IBTK: variants seen among roughly 807,000 people sequenced by gnomAD.
IBTK encodes BTK-binding protein.
IBTK carries 83 observed loss-of-function variants against 154.9 expected under a neutral mutation model. That is an observed-to-expected ratio of 0.54 (90% CI 0.45 to 0.64). IBTK has a LOEUF of 0.64. Among genes scored for constraint, IBTK ranks in the 30% least tolerant of loss-of-function variants. The pLI, the probability that IBTK is intolerant of heterozygous loss-of-function variation, is 0.00. For missense variants in IBTK, 1,332 were observed against 1,584.6 expected, an observed-to-expected ratio of 0.84 and a Z score of 2.71; for synonymous variants, 515 against 536.1, an observed-to-expected ratio of 0.96 and a Z score of 0.54.
intron 3 of IBTK, among the ~76,000 whole-genome samples, chr6:82,233,094 T>C (rs1411472976): frequency 6.8e-6 from 1 of 148,004 alleles, no homozygotes; most frequent in East Asian, 2.0e-4. Context: ...GAGGCGGAGG[T>C]TGCGGTGAGC....
chr6:82,180,621 A>G (rs757815348), intron 26 of IBTK, among the ~76,000 whole-genome samples: 3 of 152,184 alleles, frequency 2.0e-5, no homozygotes, highest in Non-Finnish European at 4.4e-5. Flanking sequence ...ATGACTTCAG[A>G]TATTTTTTGC....
In IBTK at chr6:82,239,079, A is replaced by T. The variant is rs199857888; in HGVS notation, c.321+1087T>A. ...GCTTATAAACACCGTATGTTAACTA[A>T]ACAAGAAATGAAACATACTACTCAA... On this transcript the variant is annotated intron_variant, in intron 2 of 28. Transcript: ENST00000306270. Among the ~76,000 whole-genome samples, 33 of 152,182 alleles carry T rather than the reference A, an allele frequency of 2.2e-4. 1 individual carries two copies. The East Asian group carries it at 6.4e-3, about 30-fold the overall frequency.
chr6:82,194,536 A>G lies in IBTK; in HGVS notation c.3281T>C (p.Ile1094Thr). 2 of 1,608,780 alleles carry G rather than the reference A, an allele frequency of 1.2e-6. No homozygotes were observed. The highest frequency in any genetic ancestry group is 1.7e-6 in the Non-Finnish European group (2 of 1,177,178). ...PILKISAPQP[I>T]PSNRIDTTSS... ...GGTAGTATCAATTCTGTTACTGGGA[A>G]TAGGCTGTGGAGCAGATATTTTAAG... is the stretch of plus-strand genomic sequence containing the variant. The change falls in exon 23 of 29, where the codon ATT (isoleucine) becomes ACT (threonine). Residue 1094 changes from isoleucine to threonine, a missense_variant. By Grantham distance (89) the Ile-to-Thr change is moderately conservative (BLOSUM62 -1). Transcript: ENST00000306270.
At chr6:82,237,124 A>G (rs1355582578) in intron 2 of IBTK, among the ~76,000 whole-genome samples, 1 of 152,160 alleles carries the variant, frequency 6.6e-6, no homozygotes, top group Non-Finnish European at 1.5e-5. Flanking sequence ...GACCATAACT[A>G]TTTCAAACTG....
chr6:82,199,560 G>C (rs931853326), intron 21 of IBTK, among the ~76,000 whole-genome samples: 34 of 152,070 alleles, frequency 2.2e-4, no homozygotes, highest in Admixed American at 1.5e-3. Flanking sequence ...CTTACTTGGA[G>C]TACTGACATA....
At chr6:82,202,249 T>C (rs545953210) in intron 18 of IBTK, among the ~76,000 whole-genome samples, 44 of 152,330 alleles carry the variant, frequency 2.9e-4, no homozygotes, top group African/African-American at 1.0e-3. Context: ...GTTCTCATAT[T>C]GTCACCAATG....
At chr6:82,220,555 A>G (rs1427406125) in intron 9 of IBTK, 35 bp downstream of exon 9, 11 of 1,568,666 alleles carry the variant, frequency 7.0e-6, no homozygotes, top group South Asian at 1.2e-5. Context: ...ATCAACTGAG[A>G]GTAAGATTAC....
At chr6:82,210,116 A>G (rs1414649711) in intron 16 of IBTK, among the ~76,000 whole-genome samples, 1 of 152,212 alleles carries the variant, frequency 6.6e-6, no homozygotes, top group Non-Finnish European at 1.5e-5. Flanking sequence ...TTTGCCTAAC[A>G]AAGTACATAA....
chr6:82,205,043 G>A, intron 16 of IBTK, 85 bp from the exon 17 acceptor site: 2 of 617,128 alleles, frequency 3.2e-6, no homozygotes, highest in South Asian at 3.9e-5. Flanking sequence ...TAGTACACTA[G>A]AAAAGAGATT....
chr6:82,237,650 A>C (rs1448935203), intron 2 of IBTK, among the ~76,000 whole-genome samples: 2 of 111,568 alleles, frequency 1.8e-5, no homozygotes, highest in African/African-American at 6.7e-5. Context: ...GTAGTAGTAG[A>C]AGATAGTAGT....
Position 82,240,576 on chromosome 6 carries a change from G to T in IBTK, c.-90C>A. On this transcript the variant is annotated 5_prime_UTR_variant, in exon 2 of 29. Coordinates refer to ENST00000306270, the MANE Select transcript of IBTK (RefSeq NM_015525.4). Reference sequence around the variant, plus strand: ...AGGACACAAAGGTGCTATTGAGGAAGTTACAGAGAATAAATTACCTTTTTA... The same window carrying T: ...AGGACACAAAGGTGCTATTGAGGAATTTACAGAGAATAAATTACCTTTTTA... 2.0e-6 allele frequency: 2 copies of T among 1,020,342 alleles called. No individual in the cohort carries two copies. The highest frequency in any genetic ancestry group is 2.9e-6 in the Non-Finnish European group (2 of 693,716). The allele number at this position is 1,020,342 out of a possible 1,614,324, so 63.2% of individuals were successfully genotyped here. A position where few individuals can be genotyped will look rare whatever the true frequency, so the allele number is the denominator to read the frequency against.
intron 26 of IBTK, among the ~76,000 whole-genome samples, chr6:82,175,451 T>C (rs1308205514): frequency 6.6e-6 from 1 of 152,194 alleles, no homozygotes; most frequent in African/African-American, 2.4e-5. Context: ...CCATAACTTT[T>C]TCCACTCATG....
At chr6:82,234,297 T>A in intron 2 of IBTK, 42 bp from the exon 3 acceptor site, 6 of 730,466 alleles carry the variant, frequency 8.2e-6, no homozygotes, top group Non-Finnish European at 9.9e-6. Flanking sequence ...ATATATATAT[T>A]ATTAATTACC....
intron 1 of IBTK, among the ~76,000 whole-genome samples, chr6:82,244,872 G>C (rs1338500652): frequency 1.3e-5 from 2 of 151,840 alleles, no homozygotes; most frequent in Non-Finnish European, 2.9e-5. Flanking sequence ...TCTGTTTAAT[G>C]ATGAGGTCCG....
intron 19 of IBTK, among the ~76,000 whole-genome samples, chr6:82,201,214 A>G (rs1769196962): frequency 6.6e-6 from 1 of 152,136 alleles, no homozygotes; most frequent in African/African-American, 2.4e-5. Context: ...TAAAGAAATT[A>G]ATAAATATTA....
rs1034770017 is a variant in IBTK, at chr6:82,231,872, T to C, written c.419-30A>G. 5.1e-6 allele frequency: 7 copies of C among 1,368,690 alleles called. No homozygotes were observed. In the East Asian group the frequency reaches 1.7e-4, roughly 34 times the overall value. 84.8% of individuals were successfully genotyped at this position (1,368,690 alleles called of 1,614,324 possible). ...AATAAAAATTAGTTTTTATACTTTT[T>C]TATATTTTAAAACACATATAAGAAC... On this transcript the variant is annotated intron_variant, in intron 3 of 28. Coordinates refer to ENST00000306270, the MANE Select transcript of IBTK (RefSeq NM_015525.4).
chr6:82,211,989 A>G (rs1769666369), intron 13 of IBTK, among the ~76,000 whole-genome samples: 1 of 152,266 alleles, frequency 6.6e-6, no homozygotes, highest in East Asian at 1.9e-4. Context: ...ATGAATAGCT[A>G]AAAACAAAAC....
chr6:82,231,357 GC>G (rs1446247133), intron 4 of IBTK, among the ~76,000 whole-genome samples: 1 of 151,510 alleles, frequency 6.6e-6, no homozygotes, highest in Admixed American at 6.6e-5. Flanking sequence ...ATAACACTGA[GC>G]TTCAACAACA....
chr6:82,239,393 A>T (rs541598685), intron 2 of IBTK, among the ~76,000 whole-genome samples: 1 of 152,262 alleles, frequency 6.6e-6, no homozygotes, highest in South Asian at 2.1e-4. Flanking sequence ...CCATGATCCG[A>T]GATCAGGGGC....
Sources: gnomAD v4.1 joint callset for allele counts (sites outside exome capture counted in the v4.1 genomes callset) on GRCh38, gnomAD v4.1.1 for gene constraint, MANE v1.5 for transcripts, NCBI Gene and HGNC (gene_info 2026-07-23, HGNC 2026-07-21) for gene names.